Variants in CDC20B observed in about 807,000 individuals in gnomAD.
CDC20B encodes the protein cell division cycle 20B, also known as cell division cycle protein 20 homolog B.
CDC20B carries 58 observed loss-of-function variants against 64.1 expected under a neutral mutation model. That is an observed-to-expected ratio of 0.90 (90% CI 0.73 to 1.13). The LOEUF (loss-of-function observed/expected upper bound fraction) is 1.13. Ranked by LOEUF, CDC20B falls within the 50% of genes most tolerant of loss-of-function variation. The pLI is 0.00. For missense variants in CDC20B, 597 were observed against 633.0 expected, an observed-to-expected ratio of 0.94 and a Z score of 0.61; for synonymous variants, 243 against 230.6, an observed-to-expected ratio of 1.05 and a Z score of -0.49.
chr5:55,129,039 G>A (rs532219098), intron 6 of CDC20B, among the ~76,000 whole-genome samples: 4 of 152,228 alleles, frequency 2.6e-5, no homozygotes, highest in African/African-American at 7.2e-5. Context: ...GCTAGAAGAG[G>A]TGGTGGTTCA....
chr5:55,126,567 G>C (rs1440658888), intron 8 of CDC20B: 1 of 176,242 alleles, frequency 5.7e-6, no homozygotes, highest in African/African-American at 2.4e-5. Flanking sequence ...ATGATTAAAA[G>C]CAATATATAT....
chr5:55,158,100 T>G (rs1355519024), intron 2 of CDC20B, among the ~76,000 whole-genome samples: 1 of 152,140 alleles, frequency 6.6e-6, no homozygotes, highest in Non-Finnish European at 1.5e-5. Context: ...TTCTCAAACT[T>G]AAACGTGTGT....
intron 2 of CDC20B, among the ~76,000 whole-genome samples, chr5:55,169,450 C>T (rs960773835): frequency 2.6e-5 from 4 of 152,240 alleles, no homozygotes; most frequent in Non-Finnish European, 4.4e-5. Flanking sequence ...AAGAATACTG[C>T]ATGTCTGGAA....
At chr5:55,129,804 ACC>A (rs1742983561) in intron 6 of CDC20B, among the ~76,000 whole-genome samples, 1 of 152,220 alleles carries the variant, frequency 6.6e-6, no homozygotes, top group Non-Finnish European at 1.5e-5. Flanking sequence ...TTGAAACACC[ACC>A]CACAAATGGC....
chr5:55,118,018 C>T (rs1210399192), intron 11 of CDC20B, among the ~76,000 whole-genome samples: 2 of 152,002 alleles, frequency 1.3e-5, no homozygotes. Flanking sequence ...ACTTGGGAGG[C>T]TGAGGCAGGA....
chr5:55,123,548 G>A (rs1742805409), intron 9 of CDC20B, among the ~76,000 whole-genome samples: 1 of 152,198 alleles, frequency 6.6e-6, no homozygotes. Flanking sequence ...GCTGGTGACT[G>A]AAGAGACACG....
chr5:55,116,699 A>G (rs1382655725), intron 11 of CDC20B, among the ~76,000 whole-genome samples: 1 of 152,258 alleles, frequency 6.6e-6, no homozygotes, highest in Non-Finnish European at 1.5e-5. Context: ...AGAAAAGTCT[A>G]TTCAACAAAT....
intron 6 of CDC20B, among the ~76,000 whole-genome samples, chr5:55,131,783 G>A (rs539797846): frequency 8.5e-5 from 13 of 152,266 alleles, no homozygotes; most frequent in African/African-American, 1.7e-4. Flanking sequence ...AGGGCTGTGC[G>A]TCTGGGCATG....
intron 5 of CDC20B, 141 bp downstream of exon 5, chr5:55,140,173 T>G: frequency 2.0e-6 from 1 of 496,894 alleles, no homozygotes; most frequent in Non-Finnish European, 3.5e-6. Context: ...GAACAGAGGA[T>G]TATGAGAATT....
intron 3 of CDC20B, among the ~76,000 whole-genome samples, chr5:55,145,743 C>T (rs1331100216): frequency 6.6e-6 from 1 of 151,164 alleles, no homozygotes; most frequent in African/African-American, 2.4e-5. Flanking sequence ...CTTCCTCCTC[C>T]TCCTCCTCTG....
intron 3 of CDC20B, 107 bp downstream of exon 3, chr5:55,146,521 A>G (rs1201658109): frequency 2.8e-6 from 2 of 714,912 alleles, no homozygotes; most frequent in East Asian, 2.7e-5. Flanking sequence ...AAGAGAAAAG[A>G]GTTGACTCAA....
intron 2 of CDC20B, chr5:55,160,456 T>A: frequency 7.2e-7 from 1 of 1,385,194 alleles, no homozygotes; most frequent in Non-Finnish European, 1.0e-6. Context: ...TTTATTCCTC[T>A]TAATAAAATC....
intron 11 of CDC20B, among the ~76,000 whole-genome samples, chr5:55,118,696 A>G (rs1742682359): frequency 6.6e-6 from 1 of 152,142 alleles, no homozygotes; most frequent in African/African-American, 2.4e-5. Context: ...CTACACTTGC[A>G]CCTGATCACC....
rs576106469 is a variant in CDC20B, at chr5:55,127,288, C to A, written c.958G>T (p.Ala320Ser). 1 of 1,614,100 alleles carries A rather than the reference C, an allele frequency of 6.2e-7. No homozygotes were observed. Among genetic ancestry groups the A allele is most frequent in the South Asian group, 1.1e-5 (1 of 91,076 alleles). The change falls in exon 8 of 12, where the codon GCT (alanine) becomes TCT (serine). Residue 320 changes from alanine to serine, a missense_variant. By Grantham distance (99) the Ala-to-Ser change is moderately conservative (BLOSUM62 1). Coordinates refer to ENST00000381375, the MANE Select transcript of CDC20B (RefSeq NM_001170402.1). ...AGGATAAAGTGATTCCAGCTCAGAG[C>A]CCCAACTACTGACAAATGACCAAGC... ...NMLGHLSVVG[A>S]LSWNHFILSS...
intron 2 of CDC20B, among the ~76,000 whole-genome samples, chr5:55,163,055 G>T (rs1215622745): frequency 1.3e-5 from 2 of 152,088 alleles, no homozygotes; most frequent in East Asian, 3.9e-4. Context: ...TAAAAGAGAG[G>T]ATCAATTTGA....
intron 5 of CDC20B, among the ~76,000 whole-genome samples, chr5:55,137,871 C>T (rs1743225163): frequency 6.6e-6 from 1 of 152,194 alleles, no homozygotes; most frequent in South Asian, 2.1e-4. Context: ...TAAGAAACTA[C>T]CCCTCAAGTG....
At chr5:55,137,260 A>G (rs1280070483) in intron 5 of CDC20B, 2 of 246,440 alleles carry the variant, frequency 8.1e-6, no homozygotes, top group East Asian at 1.7e-4. Context: ...GCCACAGGCA[A>G]TTATCTCCCC....
At chr5:55,160,224 G>A (rs1174219303) in intron 2 of CDC20B, 2 of 1,614,076 alleles carry the variant, frequency 1.2e-6, no homozygotes, top group Non-Finnish European at 1.7e-6. Flanking sequence ...CCGCTAAAAT[G>A]TTCCGGGCCC....
Position 55,120,464 on chromosome 5 carries a change from A to G in CDC20B, c.1302T>C (p.Asn434=), listed in dbSNP as rs1033477518. The change falls in exon 10 of 12, where the codon AAT becomes AAC. Residue 434 remains asparagine (N), a synonymous_variant. Transcript: ENST00000381375. ...TTGGGGTCTGGATGCTCTTCCCAGC[A>G]TTTATATCCAAGATGTGTAAGCGTC... The part of the protein sequence containing the change: ...KDGRLHILDI[N]AGKSIQTPST... 2 of 1,613,900 alleles carry G rather than the reference A, an allele frequency of 1.2e-6. No homozygotes were observed. The highest frequency in any genetic ancestry group is 3.3e-5 in the Admixed American group (2 of 60,014).
Sources: allele counts gnomAD v4.1 joint callset (sites outside exome capture counted in the v4.1 genomes callset), GRCh38; gene constraint gnomAD v4.1.1; transcripts MANE v1.5; gene names NCBI Gene and HGNC (gene_info 2026-07-23, HGNC 2026-07-21).